The following MDGA2 variants were observed in gnomAD, a reference collection of about 807,000 sequenced individuals.
MDGA2 encodes MAM domain containing glycosylphosphatidylinositol anchor 2, also known as MAM domain-containing glycosylphosphatidylinositol anchor protein 2.
In MDGA2, 40 loss-of-function variants were observed where a neutral mutation model predicts 117.8. The ratio of observed to expected loss-of-function variants is 0.34; its 90% confidence interval spans 0.26 to 0.44. MDGA2 has a LOEUF of 0.44. MDGA2 is among the 20% of genes least tolerant of loss of function. The pLI, the probability that MDGA2 is intolerant of heterozygous loss-of-function variation, is 1.00. For missense variants in MDGA2, 1,123 were observed against 1,250.6 expected (o/e 0.90, Z 1.54); for synonymous variants, 452 against 439.0 (o/e 1.03, Z -0.37).
intron 10 of MDGA2, among the ~76,000 whole-genome samples, chr14:46,895,261 CTCACAAGATCTGATGGTTTTATA>C: frequency 6.6e-6 from 1 of 152,136 alleles, no homozygotes; most frequent in Non-Finnish European, 1.5e-5. Context: ...TGAGTGAGTT[CTCACAAGATCTGATGGTTTTATA>C]AAAGGCTTTT....
chr14:47,325,263 C>T (rs573317535), intron 1 of MDGA2, among the ~76,000 whole-genome samples: 2 of 152,168 alleles, frequency 1.3e-5, no homozygotes, highest in South Asian at 2.1e-4. Flanking sequence ...TCAAATGTAA[C>T]GGGGATGATT....
intron 1 of MDGA2, among the ~76,000 whole-genome samples, chr14:47,616,808 A>G (rs1896954881): frequency 6.6e-6 from 1 of 152,238 alleles, no homozygotes; most frequent in Non-Finnish European, 1.5e-5. Context: ...AACATTAGAA[A>G]TATGACATGA....
In MDGA2 at chr14:47,286,608, C is replaced by T. The variant is rs577854775; in HGVS notation, c.420+14803G>A. Reference sequence around the variant, plus strand: ...TAACATTCCATTGTGTGTTTATACACTACATGTCCATTATCCATTCATCCA... The same window carrying T: ...TAACATTCCATTGTGTGTTTATACATTACATGTCCATTATCCATTCATCCA... On this transcript the variant is annotated intron_variant, in intron 2 of 16. Transcript: ENST00000399232. 2.0e-5 allele frequency among the ~76,000 whole-genome samples: 3 copies of T among 151,958 alleles called. No individual in the cohort carries two copies. In the South Asian group the frequency reaches 6.2e-4, roughly 32 times the overall value.
intron 10 of MDGA2, among the ~76,000 whole-genome samples, chr14:46,889,177 T>G (rs1389093552): frequency 6.6e-6 from 1 of 152,096 alleles, no homozygotes; most frequent in Non-Finnish European, 1.5e-5. Flanking sequence ...TATTTTCTAC[T>G]AGTAATAGCA....
chr14:47,451,794 A>C (rs529578801), intron 1 of MDGA2, among the ~76,000 whole-genome samples: 1 of 152,120 alleles, frequency 6.6e-6, no homozygotes, highest in East Asian at 1.9e-4. Flanking sequence ...TATATGTTAC[A>C]ATAAAACGTT....
intron 16 of MDGA2, 93 bp from the exon 17 acceptor site, chr14:46,842,112 G>A (rs1880641548): frequency 1.5e-6 from 1 of 680,588 alleles, no homozygotes; most frequent in East Asian, 2.9e-5. Context: ...AATAAAACAA[G>A]TATATGGAAA....
Position 47,335,745 on chromosome 14 carries a change from T to TATATATACACATAC in MDGA2, c.281-34196_281-34195insGTATGTGTATATAT. On this transcript the variant is annotated intron_variant, in intron 1 of 16. Coordinates refer to ENST00000399232, the MANE Select transcript of MDGA2 (RefSeq NM_001113498.3). ...TGCACACATATATTTTATATATATA[T>TATATATACACATAC]ATACATACATACATACAGGATCACT... is the stretch of plus-strand genomic sequence containing the variant. Among the ~76,000 whole-genome samples, 18 of 95,558 alleles carry TATATATACACATAC rather than the reference T, an allele frequency of 1.9e-4. 1 individual carries two copies. Among genetic ancestry groups the TATATATACACATAC allele is most frequent in the South Asian group, 7.5e-4 (2 of 2,660 alleles). The allele number at this position is 95,558 out of a possible 152,430, so 62.7% of individuals were successfully genotyped here.
intron 1 of MDGA2, among the ~76,000 whole-genome samples, chr14:47,573,229 T>C (rs184240277): frequency 5.3e-5 from 8 of 151,974 alleles, no homozygotes; most frequent in Admixed American, 5.2e-4. Context: ...AAGATGAGAG[T>C]TGATTAAGAT....
chr14:47,182,905 G>A (rs902129242), intron 3 of MDGA2, among the ~76,000 whole-genome samples: 2 of 151,948 alleles, frequency 1.3e-5, no homozygotes, highest in African/African-American at 4.8e-5. Context: ...TTTCTCAGGT[G>A]TGTTCTCACT....
At chr14:47,365,867 C>A (rs974489598) in intron 1 of MDGA2, among the ~76,000 whole-genome samples, 3 of 152,164 alleles carry the variant, frequency 2.0e-5, no homozygotes, top group African/African-American at 4.8e-5. Context: ...TAATGCCATG[C>A]CAAGGCATAT....
intron 1 of MDGA2, among the ~76,000 whole-genome samples, chr14:47,375,256 A>G (rs1891452438): frequency 6.6e-6 from 1 of 151,670 alleles, no homozygotes; most frequent in Non-Finnish European, 1.5e-5. Context: ...TGCTTAGCCT[A>G]CAACTTCCAT....
chr14:46,993,467 CTT>C (rs57817346), intron 8 of MDGA2, among the ~76,000 whole-genome samples: 1 of 146,728 alleles, frequency 6.8e-6, no homozygotes, highest in Admixed American at 6.8e-5. Context: ...TTGGGGGGGA[CTT>C]TTTTTTTTCT....
At chr14:47,363,864 A>G (rs1891177273) in intron 1 of MDGA2, among the ~76,000 whole-genome samples, 1 of 152,192 alleles carries the variant, frequency 6.6e-6, no homozygotes. Flanking sequence ...GATAGCATCT[A>G]ATTTACTGTA....
chr14:47,465,946 G>A (rs1164784975), intron 1 of MDGA2, among the ~76,000 whole-genome samples: 1 of 151,946 alleles, frequency 6.6e-6, no homozygotes, highest in Non-Finnish European at 1.5e-5. Flanking sequence ...ATCAATGACA[G>A]ATTGTACAAG....
intron 1 of MDGA2, among the ~76,000 whole-genome samples, chr14:47,328,139 G>A (rs929756808): frequency 1.3e-5 from 2 of 152,126 alleles, no homozygotes; most frequent in East Asian, 1.9e-4. Context: ...TCAAAAGATT[G>A]AGGTGATTTT....
intron 1 of MDGA2, among the ~76,000 whole-genome samples, chr14:47,392,055 A>G (rs1891907995): frequency 6.6e-6 from 1 of 152,158 alleles, no homozygotes; most frequent in African/African-American, 2.4e-5. Flanking sequence ...GTTCCCTTTT[A>G]TCTTATCAAA....
At chr14:46,995,439 A>C (rs1887252754) in intron 8 of MDGA2, among the ~76,000 whole-genome samples, 1 of 152,212 alleles carries the variant, frequency 6.6e-6, no homozygotes, top group Admixed American at 6.6e-5. Flanking sequence ...TGTGTTAAAT[A>C]AATATGGCAG....
intron 1 of MDGA2, among the ~76,000 whole-genome samples, chr14:47,606,703 G>A (rs554542313): frequency 1.3e-5 from 2 of 152,250 alleles, no homozygotes; most frequent in Admixed American, 1.3e-4. Context: ...AAAGATGTAT[G>A]ATATGATCTG....
At chr14:46,944,725 C>A (rs1420643040) in intron 9 of MDGA2, among the ~76,000 whole-genome samples, 1 of 151,844 alleles carries the variant, frequency 6.6e-6, no homozygotes, top group Non-Finnish European at 1.5e-5. Flanking sequence ...TACTATTAAG[C>A]CCACCCATAG....
Sources: gnomAD v4.1 joint callset for allele counts (sites outside exome capture counted in the v4.1 genomes callset) on GRCh38, gnomAD v4.1.1 for gene constraint, MANE v1.5 for transcripts, NCBI Gene and HGNC (gene_info 2026-07-23, HGNC 2026-07-21) for gene names.